Variants in XXYLT1 observed in about 807,000 individuals in gnomAD.
The protein encoded by XXYLT1 is xyloside xylosyltransferase 1, also known as UDP-xylose:alpha-xyloside alpha-1,3-xylosyltransferase.
XXYLT1 carries 20 observed loss-of-function variants against 28.9 expected under a neutral mutation model. The observed-to-expected ratio is 0.69, with a 90% CI of 0.49 to 1.00. The LOEUF (loss-of-function observed/expected upper bound fraction) is 1.00. XXYLT1 is among the 50% of genes least tolerant of loss of function. The probability of loss-of-function intolerance (pLI) is 0.00; values close to 1 mark genes in which losing one functional copy is unlikely to be tolerated. For synonymous variants in XXYLT1, 257 were observed against 253.8 expected, an observed-to-expected ratio of 1.01 and a Z score of -0.12; for missense variants, 542 against 560.1, an observed-to-expected ratio of 0.97 and a Z score of 0.33.
Position 195,124,056 on chromosome 3 carries a change from G to A in XXYLT1, c.785+32393C>T, listed in dbSNP as rs888630740. Among the ~76,000 whole-genome samples, 3 of 152,228 alleles carry A rather than the reference G, an allele frequency of 2.0e-5. No homozygotes were observed. The highest frequency in any genetic ancestry group is 7.2e-5 in the African/African-American group (3 of 41,458). On this transcript the variant is annotated intron_variant, in intron 3 of 3. Transcript: ENST00000310380. The surrounding 1 kb of genome is among the most constrained non-coding windows in gnomAD (Gnocchi z 4.1). The stretch of plus-strand genomic sequence containing the variant: ...GCCTTTAGTGTGCTCCGTGAATCTA[G>A]AAGAGGGGGAATAAAATGTACGTAT...
Position 195,271,137 on chromosome 3 carries a change from C to G in XXYLT1, c.-79G>C. 1 of 1,261,206 alleles carries G rather than the reference C, an allele frequency of 7.9e-7. No individual in the cohort carries two copies. Among genetic ancestry groups the G allele is most frequent in the Non-Finnish European group, 9.9e-7 (1 of 1,005,434 alleles). The allele number at this position is 1,261,206 out of a possible 1,614,324, so 78.1% of individuals were successfully genotyped here. On this transcript the variant is annotated 5_prime_UTR_variant, in exon 1 of 4. Coordinates refer to ENST00000310380, the MANE Select transcript of XXYLT1 (RefSeq NM_152531.5). The stretch of plus-strand genomic sequence containing the variant: ...TACCCGGACGCCGGCGGCCACTTAG[C>G]CCCGGCGCCAGGCGGCGGCCATGAA...
rs559982096 is a variant in XXYLT1 at position 195,117,742 on chromosome 3, T to G, written c.785+38707A>C. Reference sequence around the variant, plus strand: ...TCCCTCTGTGGTGCCTGCCCGGAGCTCAGCTCTTGTGGGTAGCTGTCACTA... The same window carrying G: ...TCCCTCTGTGGTGCCTGCCCGGAGCGCAGCTCTTGTGGGTAGCTGTCACTA... On this transcript the variant is annotated intron_variant, in intron 3 of 3. Coordinates refer to ENST00000310380, the MANE Select transcript of XXYLT1 (RefSeq NM_152531.5). Among the ~76,000 whole-genome samples, 14 of 152,278 alleles carry G rather than the reference T, an allele frequency of 9.2e-5. No homozygotes were observed. In the South Asian group the frequency reaches 2.9e-3, roughly 32 times the overall value.
rs974397611 is a variant in XXYLT1, at chr3:195,069,104, T to C, written c.*611A>G. 6.6e-6 allele frequency: 1 copy of C among 152,480 alleles called. No homozygotes were observed. Among genetic ancestry groups the C allele is most frequent in the African/African-American group, 2.4e-5 (1 of 41,436 alleles). The allele number at this position is 152,480 out of a possible 1,614,324, so 9.4% of individuals were successfully genotyped here. Reference sequence around the variant, plus strand: ...TAAGTTTTCTTATGCAGGCCCCAGTTGGTCCTGAAGTCCTTCCTCAAAGAG... The same window carrying C: ...TAAGTTTTCTTATGCAGGCCCCAGTCGGTCCTGAAGTCCTTCCTCAAAGAG... On this transcript the variant is annotated 3_prime_UTR_variant, in exon 4 of 4. Transcript: ENST00000310380.
chr3:195,150,362 C>T lies in XXYLT1; in HGVS notation c.785+6087G>A, dbSNP rs1720131678. Reference sequence around the variant, plus strand: ...CCCTCCCTTCTTCCCTCTGTGCTGGCGCTCACTCCCTCCCCAACACTCCCC... The same window carrying T: ...CCCTCCCTTCTTCCCTCTGTGCTGGTGCTCACTCCCTCCCCAACACTCCCC... On this transcript the variant is annotated intron_variant, in intron 3 of 3. Transcript: ENST00000310380. The surrounding 1 kb of genome is among the most constrained non-coding windows in gnomAD (Gnocchi z 4.7). Among the ~76,000 whole-genome samples the T allele has an allele frequency of 2.6e-5, 4 of 152,204 alleles. No individual in the cohort carries two copies. Among genetic ancestry groups the T allele is most frequent in the Middle Eastern group, 6.8e-3 (2 of 294 alleles).
At chr3:195,205,682 A>C (rs983665715) in intron 2 of XXYLT1, among the ~76,000 whole-genome samples, 7 of 152,152 alleles carry the variant, frequency 4.6e-5, no homozygotes, top group African/African-American at 1.7e-4. Context: ...GGGTAACATG[A>C]TAAAACCCTG....
In XXYLT1 at chr3:195,250,835, G is replaced by C. The variant is rs544983075; in HGVS notation, c.504+19720C>G. On this transcript the variant is annotated intron_variant, in intron 1 of 3. Coordinates refer to ENST00000310380, the MANE Select transcript of XXYLT1 (RefSeq NM_152531.5). Reference sequence around the variant, plus strand: ...ACTTTTCACCTGTTCTGTCTCTTCTGTTCATTGATACACCCAAGTTCCCAG... The same window carrying C: ...ACTTTTCACCTGTTCTGTCTCTTCTCTTCATTGATACACCCAAGTTCCCAG... Among the ~76,000 whole-genome samples the C allele has an allele frequency of 3.3e-5, 5 of 152,282 alleles. No individual in the cohort carries two copies. In the South Asian group the frequency reaches 8.3e-4, roughly 25 times the overall value.
chr3:195,116,742 C>A (rs1197237366), intron 3 of XXYLT1, among the ~76,000 whole-genome samples: 1 of 152,198 alleles, frequency 6.6e-6, no homozygotes, highest in Admixed American at 6.5e-5. Flanking sequence ...GGCTGACCAT[C>A]TCCAGGACCA....
chr3:195,074,523 A>G (rs1715007981), intron 3 of XXYLT1, among the ~76,000 whole-genome samples: 5 of 152,218 alleles, frequency 3.3e-5, no homozygotes, highest in Admixed American at 3.3e-4. Context: ...ATCCAAGATG[A>G]GAGTCCAGGA....
At chr3:195,189,753 G>T (rs1169274232) in intron 2 of XXYLT1, among the ~76,000 whole-genome samples, 1 of 152,160 alleles carries the variant, frequency 6.6e-6, no homozygotes, top group Non-Finnish European at 1.5e-5. Context: ...GACCTAGAAG[G>T]AGTGGAGAAA....
chr3:195,182,993 C>T (rs1483476028), intron 2 of XXYLT1, among the ~76,000 whole-genome samples: 1 of 152,218 alleles, frequency 6.6e-6, no homozygotes, highest in Non-Finnish European at 1.5e-5. Context: ...ACTTCATCTC[C>T]TTTCTTTTCT....
intron 2 of XXYLT1, among the ~76,000 whole-genome samples, chr3:195,226,140 A>T (rs1384829780): frequency 1.3e-5 from 2 of 152,146 alleles, no homozygotes; most frequent in Non-Finnish European, 2.9e-5. Context: ...GCATGACCAG[A>T]CCTGCCAGAA....
rs150211577 is a variant in XXYLT1, at chr3:195,071,207, G to A, written c.786-1096C>T. On this transcript the variant is annotated intron_variant, in intron 3 of 3. Coordinates refer to ENST00000310380, the MANE Select transcript of XXYLT1 (RefSeq NM_152531.5). ...GAGGCCCACTGTGGCAGGGACAGGC[G>A]TGGGAGTGGGTCCTCACGGGGAGGA... Among the ~76,000 whole-genome samples, 180 of 152,324 alleles carry A rather than the reference G, an allele frequency of 1.2e-3. 2 individuals are homozygous for A. The highest frequency in any genetic ancestry group is 4.0e-3 in the African/African-American group (167 of 41,570).
chr3:195,237,937 C>A (rs939035073), intron 1 of XXYLT1, among the ~76,000 whole-genome samples: 7 of 152,048 alleles, frequency 4.6e-5, no homozygotes, highest in African/African-American at 1.4e-4. Flanking sequence ...TCACCCCTGC[C>A]CCTGCGACCT....
intron 3 of XXYLT1, among the ~76,000 whole-genome samples, chr3:195,127,292 G>C (rs9825498): frequency 0.19 from 28,918 of 152,104 alleles, 3,327 homozygotes; most frequent in East Asian, 0.56. Context: ...AGCATCATCC[G>C]TAGATTTGGT....
chr3:195,083,942 T>A, intron 3 of XXYLT1, among the ~76,000 whole-genome samples: 1 of 151,840 alleles, frequency 6.6e-6, no homozygotes. Context: ...AGGAGCATGG[T>A]TTGAACCCAG....
intron 1 of XXYLT1, among the ~76,000 whole-genome samples, chr3:195,241,785 C>G (rs1459151281): frequency 2.0e-5 from 3 of 151,966 alleles, no homozygotes; most frequent in East Asian, 3.9e-4. Flanking sequence ...CCACCCTCAC[C>G]ACCAACACAC....
chr3:195,182,314 A>G (rs938266662), intron 2 of XXYLT1, among the ~76,000 whole-genome samples: 1 of 152,234 alleles, frequency 6.6e-6, no homozygotes, highest in Non-Finnish European at 1.5e-5. Context: ...GTTAATGTCA[A>G]CTGTCACTGC....
chr3:195,184,647 C>T (rs1722098548), intron 2 of XXYLT1: 1 of 985,262 alleles, frequency 1.0e-6, no homozygotes, highest in African/African-American at 1.7e-5. Context: ...GAAACAAGGT[C>T]TCTTCAGGAC....
intron 2 of XXYLT1, among the ~76,000 whole-genome samples, chr3:195,195,000 T>C (rs1434657239): frequency 6.6e-6 from 1 of 152,096 alleles, no homozygotes; most frequent in Non-Finnish European, 1.5e-5. Flanking sequence ...CATAAACCTA[T>C]AAATTTACTA....
Sources: allele counts gnomAD v4.1 joint callset (sites outside exome capture counted in the v4.1 genomes callset), GRCh38; gene constraint gnomAD v4.1.1; non-coding constraint Gnocchi (gnomAD v3.1); transcripts MANE v1.5; gene names NCBI Gene and HGNC (gene_info 2026-07-23, HGNC 2026-07-21).